The following TBC1D8 variants were observed in gnomAD, a reference collection of about 807,000 sequenced individuals.
TBC1D8 encodes the protein BUB2-like protein 1.
TBC1D8 carries 65 observed loss-of-function variants against 118.8 expected under a neutral mutation model. That is an observed-to-expected ratio of 0.55 (90% CI 0.45 to 0.67). The LOEUF is 0.67. Among genes scored for constraint, TBC1D8 ranks in the 30% least tolerant of loss-of-function variants. TBC1D8 has a pLI of 0.00. For synonymous variants in TBC1D8, 566 were observed against 595.8 expected, an observed-to-expected ratio of 0.95 and a Z score of 0.73; for missense variants, 1,376 against 1,471.2, an observed-to-expected ratio of 0.94 and a Z score of 1.06.
chr2:101,062,112 C>T (rs1235394818), intron 2 of TBC1D8, among the ~76,000 whole-genome samples: 2 of 152,206 alleles, frequency 1.3e-5, no homozygotes, highest in African/African-American at 2.4e-5. Flanking sequence ...AGAACACCCT[C>T]GTCTAAATCC....
intron 1 of TBC1D8, among the ~76,000 whole-genome samples, chr2:101,150,814 G>A (rs951620143): frequency 6.6e-6 from 1 of 152,166 alleles, no homozygotes; most frequent in Non-Finnish European, 1.5e-5. Context: ...GAGCCCTCCG[G>A]CCCCGCTCCA....
intron 1 of TBC1D8, among the ~76,000 whole-genome samples, chr2:101,125,056 A>C (rs1678294005): frequency 6.6e-6 from 1 of 152,218 alleles, no homozygotes; most frequent in South Asian, 2.1e-4. Flanking sequence ...TGATATTTTT[A>C]TGCCTGTTTG....
chr2:101,090,089 G>A, intron 2 of TBC1D8, 120 bp downstream of exon 2: 1 of 1,073,828 alleles, frequency 9.3e-7, no homozygotes, highest in South Asian at 1.7e-5. Flanking sequence ...GGGGAGTTAA[G>A]TTCCTGAAAG....
At chr2:101,116,595 G>GAA in intron 1 of TBC1D8, among the ~76,000 whole-genome samples, 2 of 152,088 alleles carry the variant, frequency 1.3e-5, no homozygotes, top group East Asian at 3.9e-4. Flanking sequence ...TTTTAAAACA[G>GAA]GGCCACATTG....
At chr2:101,016,495 C>T (rs1422125059) in intron 17 of TBC1D8, among the ~76,000 whole-genome samples, 3 of 152,170 alleles carry the variant, frequency 2.0e-5, no homozygotes, top group African/African-American at 7.2e-5. Flanking sequence ...ACTAGTTCAA[C>T]CCTTGTGGAA....
rs1431963376 is a variant in TBC1D8, at chr2:101,146,070, C to T, written c.127+5057G>A. On this transcript the variant is annotated intron_variant, in intron 1 of 19. Transcript: ENST00000409318. ...ATGTATACTGTTTATTAATTCTAAG[C>T]CTTATTTTAATCATAACCATTATGC... is the stretch of plus-strand genomic sequence containing the variant. 2.6e-5 allele frequency among the ~76,000 whole-genome samples: 4 copies of T among 151,940 alleles called. No individual in the cohort carries two copies. The East Asian group carries it at 5.8e-4, about 22-fold the overall frequency.
intron 19 of TBC1D8, among the ~76,000 whole-genome samples, chr2:101,010,362 C>G (rs1679112162): frequency 6.6e-6 from 1 of 152,068 alleles, no homozygotes; most frequent in Non-Finnish European, 1.5e-5. Context: ...CTTCTACCTC[C>G]CAGAGGAATA....
intron 1 of TBC1D8, among the ~76,000 whole-genome samples, chr2:101,096,609 A>G (rs1676463114): frequency 6.6e-6 from 1 of 152,118 alleles, no homozygotes; most frequent in Admixed American, 6.6e-5. Flanking sequence ...ATGGGTAAAC[A>G]GAGAGATGGA....
At chr2:101,102,801 G>T (rs1181888818) in intron 1 of TBC1D8, among the ~76,000 whole-genome samples, 1 of 152,042 alleles carries the variant, frequency 6.6e-6, no homozygotes. Flanking sequence ...CCAGCACTTT[G>T]GGAGGCCAAG....
intron 19 of TBC1D8, among the ~76,000 whole-genome samples, chr2:101,009,338 G>A (rs891234027): frequency 8.6e-5 from 13 of 151,494 alleles, no homozygotes; most frequent in South Asian, 2.1e-4. Context: ...CTTGGGAGGC[G>A]GAGCTTGCAG....
intron 15 of TBC1D8, among the ~76,000 whole-genome samples, chr2:101,025,383 C>T (rs112982339): frequency 1.7e-4 from 26 of 152,214 alleles, no homozygotes; most frequent in African/African-American, 5.5e-4. Flanking sequence ...TGCGTCACCA[C>T]GCCCAGCTAA....
At chr2:101,134,388 T>C (rs558851474) in intron 1 of TBC1D8, among the ~76,000 whole-genome samples, 6 of 152,166 alleles carry the variant, frequency 3.9e-5, no homozygotes, top group Non-Finnish European at 8.8e-5. Flanking sequence ...TCAAAGAAAG[T>C]AAACAAATTT....
chr2:101,055,944 C>T (rs1682395852), intron 3 of TBC1D8, among the ~76,000 whole-genome samples: 1 of 152,016 alleles, frequency 6.6e-6, no homozygotes, highest in African/African-American at 2.4e-5. Context: ...TGTGAACAGC[C>T]ACTGCACTCC....
Position 101,022,466 on chromosome 2 carries a change from T to C in TBC1D8, c.2576A>G (p.His859Arg), listed in dbSNP as rs1680094319. The C allele has an allele frequency of 2.5e-6, 4 of 1,608,878 alleles. No individual in the cohort carries two copies. The highest frequency in any genetic ancestry group is 3.4e-6 in the Non-Finnish European group (4 of 1,178,486). The change falls in exon 16 of 20, where the codon CAC (histidine) becomes CGC (arginine). Residue 859 changes from histidine (H) to arginine (R), a missense_variant. Physicochemically the swap from His to Arg is conservative, Grantham distance 29. Transcript: ENST00000409318. ...CTCAGCATAGGGCCGGCTGGGGTCG[T>C]GGCGTGAGGCCATGGGCCTGGGCTG... Reference protein sequence around the residue: ...WEQPRPMASRHDPSRPYAEQY... With the variant: ...WEQPRPMASRRDPSRPYAEQY...
intron 1 of TBC1D8, among the ~76,000 whole-genome samples, chr2:101,143,804 CA>C (rs1428415006): frequency 6.6e-6 from 1 of 152,184 alleles, no homozygotes; most frequent in Non-Finnish European, 1.5e-5. Flanking sequence ...TCAAGCAATC[CA>C]CCCACCTTGG....
At chr2:101,032,636 T>C (rs2105389820) in intron 10 of TBC1D8, 1 of 439,990 alleles carries the variant, frequency 2.3e-6, no homozygotes, top group East Asian at 3.5e-5. Flanking sequence ...AATTTAGCTG[T>C]GGTGCAAGTC....
At chr2:101,094,479 C>T (rs1676261780) in intron 1 of TBC1D8, among the ~76,000 whole-genome samples, 1 of 152,206 alleles carries the variant, frequency 6.6e-6, no homozygotes, top group African/African-American at 2.4e-5. Flanking sequence ...CCCCCACATG[C>T]TTGGCACTTT....
chr2:101,136,528 C>A (rs1266802297), intron 1 of TBC1D8, among the ~76,000 whole-genome samples: 1 of 152,206 alleles, frequency 6.6e-6, no homozygotes, highest in Non-Finnish European at 1.5e-5. Flanking sequence ...CGAATCCCCA[C>A]ATTAACAGAC....
rs148849403 is a variant in TBC1D8, at chr2:101,062,230, G to A, written c.284-2691C>T. 8.6e-5 allele frequency among the ~76,000 whole-genome samples: 13 copies of A among 151,948 alleles called. No homozygotes were observed. In the East Asian group the frequency reaches 2.5e-3, roughly 29 times the overall value. On this transcript the variant is annotated intron_variant, in intron 2 of 19. Transcript: ENST00000409318. Reference sequence around the variant, plus strand: ...TAGCCCAGGGCTCTGCTTTTCCTGGGTACTTTAAGACCTTTTCTTTCTAGG... The same window carrying A: ...TAGCCCAGGGCTCTGCTTTTCCTGGATACTTTAAGACCTTTTCTTTCTAGG...
Sources: gnomAD v4.1 joint callset for allele counts (sites outside exome capture counted in the v4.1 genomes callset) on GRCh38, gnomAD v4.1.1 for gene constraint, MANE v1.5 for transcripts, NCBI Gene and HGNC (gene_info 2026-07-23, HGNC 2026-07-21) for gene names.